Variants in TTF2 observed in about 807,000 individuals in gnomAD.
The protein encoded by TTF2 is RNA polymerase II termination factor.
Under a neutral mutation model 142.4 loss-of-function variants are expected in TTF2, and 108 were observed. That is an observed-to-expected ratio of 0.76 (90% CI 0.65 to 0.89). The LOEUF (loss-of-function observed/expected upper bound fraction) is 0.89, where lower values mean the gene tolerates loss of function less well. TTF2 is among the 40% of genes least tolerant of loss of function. The pLI is 0.00. For synonymous variants in TTF2, 483 were observed against 506.2 expected (o/e 0.95, Z 0.61); for missense variants, 1,327 against 1,379.8 (o/e 0.96, Z 0.61).
At position 117,081,935 on chromosome 1, in the gene TTF2, C is replaced by G. The variant is rs1461322500; in HGVS notation, c.1891C>G (p.Leu631Val). The change falls in exon 10 of 23, where the codon CTC (leucine) becomes GTC (valine). Residue 631 changes from leucine to valine, a missense_variant. Coordinates refer to ENST00000369466, the MANE Select transcript of TTF2 (RefSeq NM_003594.4). Reference protein sequence around the residue: ...EKEKSTALTWLSKDDSCDFTS... With the variant: ...EKEKSTALTWVSKDDSCDFTS... The stretch of plus-strand genomic sequence containing the variant: ...GGAGAAAAGCACAGCTTTGACGTGG[C>G]TCTCCAAAGATGGTAGACAGAAGTG... 1.2e-6 allele frequency: 2 copies of G among 1,614,016 alleles called. No homozygotes were observed. The highest frequency in any genetic ancestry group is 1.7e-6 in the Non-Finnish European group (2 of 1,180,000).
At position 117,086,628 on chromosome 1, in the gene TTF2, A is replaced by C; in HGVS notation, c.2160+106A>C. ...CAAGAGGACCTCCCTGGAGGTCAGG[A>C]ATGCTGTAAATGATCCGCATGTGGA... On this transcript the variant is annotated intron_variant, in intron 12 of 22. Transcript: ENST00000369466. The surrounding 1 kb of genome is among the most constrained non-coding windows in gnomAD (Gnocchi z 4.2). 1.4e-6 allele frequency: 1 copy of C among 723,980 alleles called. No homozygotes were observed. Among genetic ancestry groups the C allele is most frequent in the Non-Finnish European group, 2.4e-6 (1 of 413,294 alleles). The allele number at this position is 723,980 out of a possible 1,614,324, so 44.8% of individuals were successfully genotyped here.
In TTF2 at chr1:117,062,436, C is replaced by T. The variant is rs758864456; in HGVS notation, c.181C>T (p.Gln61Ter). The part of the protein sequence containing the change: ...LLHEDFVVEL[Q>*]GLLLPQDKKE... ...GCATGAGGACTTTGTGGTAGAGCTTCAGGGTTTGCTTCTGCCACAGGACAA... is the reference window on the plus strand; with the variant it reads ...GCATGAGGACTTTGTGGTAGAGCTTTAGGGTTTGCTTCTGCCACAGGACAA... Residue 61 changes from glutamine (Q) to a stop codon, truncating the protein, a stop_gained, in exon 3 of 23, where the codon CAG (glutamine) becomes TAG (stop). Coordinates refer to ENST00000369466, the MANE Select transcript of TTF2 (RefSeq NM_003594.4). LOFTEE classifies it high-confidence loss of function. The T allele has an allele frequency of 3.1e-6, 5 of 1,613,060 alleles. No individual in the cohort carries two copies. Among genetic ancestry groups the T allele is most frequent in the Non-Finnish European group, 2.5e-6 (3 of 1,179,824 alleles).
At chr1:117,077,317 T>C (rs1269981503) in intron 7 of TTF2, among the ~76,000 whole-genome samples, 1 of 152,226 alleles carries the variant, frequency 6.6e-6, no homozygotes, top group Non-Finnish European at 1.5e-5. Context: ...TTGCATCGTG[T>C]TACTTAGCTT....
Position 117,079,182 on chromosome 1 carries a change from G to A in TTF2, c.1702-386G>A, listed in dbSNP as rs2101048395. 6.6e-6 allele frequency among the ~76,000 whole-genome samples: 1 copy of A among 152,310 alleles called. No homozygotes were observed. Among genetic ancestry groups the A allele is most frequent in the South Asian group, 2.1e-4 (1 of 4,822 alleles). Reference sequence around the variant, plus strand: ...TTGAACCTGGGAGGCGGAGGCTGCAGTGGGCTGAGATCACGCCACTGCACT... The same window carrying A: ...TTGAACCTGGGAGGCGGAGGCTGCAATGGGCTGAGATCACGCCACTGCACT... On this transcript the variant is annotated intron_variant, in intron 8 of 22. Coordinates refer to ENST00000369466, the MANE Select transcript of TTF2 (RefSeq NM_003594.4). This position sits in a 1 kb window ranked among gnomAD's most constrained non-coding sequence, Gnocchi z 4.2.
chr1:117,082,462 C>T (rs1647609638), intron 10 of TTF2, among the ~76,000 whole-genome samples: 1 of 152,220 alleles, frequency 6.6e-6, no homozygotes, highest in Non-Finnish European at 1.5e-5. Context: ...ATCATCCTGC[C>T]TCAGCCTTCC....
rs1570863799 is a variant in TTF2, at chr1:117,090,503, C to T, written c.2497-29C>T. The stretch of plus-strand genomic sequence containing the variant: ...AATAGGCAGTTAATTTGTATAGCTT[C>T]ATGCCAGCTTTTTTTTTTATTCTTC... On this transcript the variant is annotated intron_variant, in intron 14 of 22. Transcript: ENST00000369466. The surrounding 1 kb of genome is among the most constrained non-coding windows in gnomAD (Gnocchi z 4.8). 1 of 1,593,140 alleles carries T rather than the reference C, an allele frequency of 6.3e-7. No individual in the cohort carries two copies. Among genetic ancestry groups the T allele is most frequent in the Non-Finnish European group, 8.6e-7 (1 of 1,165,392 alleles).
chr1:117,088,516 G>A (rs920909045), intron 12 of TTF2, among the ~76,000 whole-genome samples: 5 of 151,906 alleles, frequency 3.3e-5, no homozygotes, highest in Non-Finnish European at 7.4e-5. Flanking sequence ...CAGCCTGGGC[G>A]ACGGAGCGAG....
chr1:117,075,982 A>C lies in TTF2; in HGVS notation c.1275+123A>C, dbSNP rs1656978283. The C allele has an allele frequency of 7.1e-7, 1 of 1,403,734 alleles. No individual in the cohort carries two copies. The highest frequency in any genetic ancestry group is 9.5e-7 in the Non-Finnish European group (1 of 1,054,030). The allele number at this position is 1,403,734 out of a possible 1,614,324, so 87.0% of individuals were successfully genotyped here. On this transcript the variant is annotated intron_variant, in intron 5 of 22. Transcript: ENST00000369466. The surrounding 1 kb of genome is among the most constrained non-coding windows in gnomAD (Gnocchi z 4.5). ...GTGAAGGTTTTATAGGTGCATGTTC[A>C]GTTTCTGCCTTTTCCCCTATTTATA... is the stretch of plus-strand genomic sequence containing the variant.
At position 117,092,667 on chromosome 1, in the gene TTF2, TCAA is replaced by T; in HGVS notation, c.2806-60_2806-58del. 6.5e-7 allele frequency: 1 copy of T among 1,544,694 alleles called. No individual in the cohort carries two copies. The highest frequency in any genetic ancestry group is 8.8e-7 in the Non-Finnish European group (1 of 1,142,190). On this transcript the variant is annotated intron_variant, in intron 17 of 22. Coordinates refer to ENST00000369466, the MANE Select transcript of TTF2 (RefSeq NM_003594.4). This position sits in a 1 kb window ranked among gnomAD's most constrained non-coding sequence, Gnocchi z 4.4. ...GAAGTGGTAAACAATCAAAACATCA[TCAA>T]CAAGTAACAAGGTTTGCTCCCTTGA...
At chr1:117,074,675 A>T (rs1037535324) in intron 4 of TTF2, among the ~76,000 whole-genome samples, 195 bp from the exon 5 acceptor site, 1 of 151,668 alleles carries the variant, frequency 6.6e-6, no homozygotes, top group African/African-American at 2.4e-5. Context: ...GAACTACTGG[A>T]GAGGGGAGGA....
rs745606046 is a variant in TTF2 at position 117,086,644 on chromosome 1, C to A, written c.2160+122C>A. ...GAGGTCAGGAATGCTGTAAATGATC[C>A]GCATGTGGAAAGGAATTGTTCTTTC... On this transcript the variant is annotated intron_variant, in intron 12 of 22. Coordinates refer to ENST00000369466, the MANE Select transcript of TTF2 (RefSeq NM_003594.4). This position sits in a 1 kb window ranked among gnomAD's most constrained non-coding sequence, Gnocchi z 4.2. 4.5e-6 allele frequency: 3 copies of A among 669,434 alleles called. No homozygotes were observed. The highest frequency in any genetic ancestry group is 8.0e-6 in the Non-Finnish European group (3 of 374,782). The allele number at this position is 669,434 out of a possible 1,614,324, so 41.5% of individuals were successfully genotyped here. A position where few individuals can be genotyped will look rare whatever the true frequency, so the allele number is the denominator to read the frequency against.
chr1:117,075,015 GT>G lies in TTF2; in HGVS notation c.432del (p.Glu145LysfsTer29). The G allele has an allele frequency of 6.2e-7, 1 of 1,613,992 alleles. No homozygotes were observed. The highest frequency in any genetic ancestry group is 8.5e-7 in the Non-Finnish European group (1 of 1,180,016). On this transcript the variant is annotated frameshift_variant, in exon 5 of 23. Coordinates refer to ENST00000369466, the MANE Select transcript of TTF2 (RefSeq NM_003594.4). LOFTEE classifies it high-confidence loss of function. The surrounding 1 kb of genome is among the most constrained non-coding windows in gnomAD (Gnocchi z 4.5). ...GCTCTCTGGAAACAGCTCATCAAAGGTGAAGGTGAGGAAAAGAAGGCTGATA... is the reference window on the plus strand; with the variant it reads ...GCTCTCTGGAAACAGCTCATCAAAGGGAAGGTGAGGAAAAGAAGGCTGATA... The part of the protein sequence containing the change: ...EPALWKQLIK[G>X]EGEEKKADKK...
intron 3 of TTF2, among the ~76,000 whole-genome samples, 184 bp downstream of exon 3, chr1:117,062,657 A>C (rs532755653): frequency 3.3e-5 from 5 of 152,274 alleles, no homozygotes; most frequent in Middle Eastern, 6.8e-3. Context: ...TTAATCTGAG[A>C]AGTCTGATTT....
At chr1:117,069,669 G>A (rs1656426633) in intron 3 of TTF2, among the ~76,000 whole-genome samples, 1 of 152,186 alleles carries the variant, frequency 6.6e-6, no homozygotes, top group Admixed American at 6.5e-5. Flanking sequence ...GTCAATTAAG[G>A]TGTCTGATGT....
At position 117,078,095 on chromosome 1, in the gene TTF2, C is replaced by G. The variant is rs779130995; in HGVS notation, c.1701+52C>G. 5.0e-6 allele frequency: 8 copies of G among 1,585,364 alleles called. No individual in the cohort carries two copies. In the South Asian group the frequency reaches 7.9e-5, roughly 16 times the overall value. Reference sequence around the variant, plus strand: ...GTCCTCTATGACAGTGCTCCAGCAGCCCCATGAAACTGCTGGCAGAGAGAC... The same window carrying G: ...GTCCTCTATGACAGTGCTCCAGCAGGCCCATGAAACTGCTGGCAGAGAGAC... On this transcript the variant is annotated intron_variant, in intron 8 of 22. Transcript: ENST00000369466.
In TTF2 at chr1:117,075,099, A is replaced by C; in HGVS notation, c.515A>C (p.Glu172Ala). Reference protein sequence around the residue: ...LFDQKKEQKPEMMEKDLSSGL... With the variant: ...LFDQKKEQKPAMMEKDLSSGL... ...GATCAAAAGAAAGAACAGAAGCCTG[A>C]AATGATGGAGAAAGACCTCTCATCT... is the stretch of plus-strand genomic sequence containing the variant. Residue 172 changes from glutamate (E) to alanine (A), a missense_variant, in exon 5 of 23, where the codon GAA becomes GCA. By Grantham distance (107) the Glu-to-Ala change is moderately radical. Transcript: ENST00000369466. The surrounding 1 kb of genome is among the most constrained non-coding windows in gnomAD (Gnocchi z 4.5). The C allele has an allele frequency of 6.2e-7, 1 of 1,614,180 alleles. No individual in the cohort carries two copies. The highest frequency in any genetic ancestry group is 8.5e-7 in the Non-Finnish European group (1 of 1,180,018).
Position 117,098,823 on chromosome 1 carries a change from CT to C in TTF2, c.3270-8del, listed in dbSNP as rs1649367997. 1.2e-5 allele frequency: 20 copies of C among 1,610,346 alleles called. No individual in the cohort carries two copies. The highest frequency in any genetic ancestry group is 1.7e-5 in the Non-Finnish European group (20 of 1,178,824). ...GTCAGTTCCTTTGAGCTTTAGCTGT[CT>C]TCTAACAGGAATCCATCACTTGAAG... On this transcript the variant is annotated splice_polypyrimidine_tract_variant and intron_variant, in intron 21 of 22. Coordinates refer to ENST00000369466, the MANE Select transcript of TTF2 (RefSeq NM_003594.4).
Position 117,075,196 on chromosome 1 carries a change from T to A in TTF2, c.612T>A (p.Cys204Ter). Residue 204 changes from cysteine (C) to a stop codon, truncating the protein, a stop_gained, in exon 5 of 23, where the codon TGT (cysteine) becomes TGA (stop). Transcript: ENST00000369466. LOFTEE classifies it high-confidence loss of function. This position sits in a 1 kb window ranked among gnomAD's most constrained non-coding sequence, Gnocchi z 4.5. ...AAGAAGAGGGAGCAGAGATTCAGTG[T>A]GAGGCAGAGACTGGAGGCACACACA... ...KKQEEGAEIQ[C>*]EAETGGTHKR... The A allele has an allele frequency of 6.2e-7, 1 of 1,614,158 alleles. No homozygotes were observed. The highest frequency in any genetic ancestry group is 1.1e-5 in the South Asian group (1 of 91,080).
chr1:117,064,046 G>T (rs1186811875), intron 3 of TTF2, among the ~76,000 whole-genome samples: 1 of 152,066 alleles, frequency 6.6e-6, no homozygotes, highest in Non-Finnish European at 1.5e-5. Context: ...TCAGGAATTT[G>T]CTTTTCATTT....
Sources: gnomAD v4.1 joint callset for allele counts (sites outside exome capture counted in the v4.1 genomes callset) on GRCh38, gnomAD v4.1.1 for gene constraint, Gnocchi (gnomAD v3.1) non-coding constraint, MANE v1.5 for transcripts, NCBI Gene and HGNC (gene_info 2026-07-23, HGNC 2026-07-21) for gene names.